The following ACOT6 variants were observed in gnomAD, a reference collection of about 807,000 sequenced individuals.
ACOT6 encodes the protein acyl-coenzyme A thioesterase 6.
A neutral mutation model predicts 12.3 loss-of-function variants in ACOT6; 14 were observed. The ratio of observed to expected loss-of-function variants is 1.14; its 90% CI spans 0.75 to 1.78. The LOEUF is 1.78. Among genes scored for constraint, ACOT6 ranks in the 40% most tolerant of loss-of-function variants. ACOT6 has a pLI of 0.00. For missense variants in ACOT6, 523 were observed against 551.8 expected, an observed-to-expected ratio of 0.95 and a Z score of 0.52; for synonymous variants, 218 against 231.3, an observed-to-expected ratio of 0.94 and a Z score of 0.52.
intron 1 of ACOT6, among the ~76,000 whole-genome samples, chr14:73,614,380 C>A (rs1890498579): frequency 6.6e-6 from 1 of 152,128 alleles, no homozygotes; most frequent in South Asian, 2.1e-4. Context: ...GGAATTGGGT[C>A]TTACAGATTT....
chr14:73,619,529 T>G lies in ACOT6; in HGVS notation c.956T>G (p.Leu319Trp). The G allele has an allele frequency of 6.2e-7, 1 of 1,614,238 alleles. No homozygotes were observed. Among genetic ancestry groups the G allele is most frequent in the Non-Finnish European group, 8.5e-7 (1 of 1,180,046 alleles). The change falls in exon 3 of 3, where the codon TTG (leucine) becomes TGG (tryptophan). Residue 319 changes from leucine to tryptophan, a missense_variant. Leu to Trp is a moderately conservative substitution (Grantham distance 61). Coordinates refer to ENST00000645972, the MANE Select transcript of ACOT6 (RefSeq NM_001365788.1). ...VPLEKAQVPF[L>W]FIVGMDDQSW... ...TTGGAAAAGGCGCAGGTGCCCTTCT[T>G]GTTTATTGTTGGCATGGATGATCAA...
Position 73,612,967 on chromosome 14 carries a change from G to A in ACOT6, c.396G>A (p.Pro132=), listed in dbSNP as rs546308415. 4.0e-5 allele frequency: 48 copies of A among 1,205,248 alleles called. No individual in the cohort carries two copies. In the Middle Eastern group the frequency reaches 8.5e-4, roughly 21 times the overall value. The allele number at this position is 1,205,248 out of a possible 1,614,324, so 74.7% of individuals were successfully genotyped here. Residue 132 remains proline (P), a synonymous_variant, in exon 1 of 3, where the codon CCG becomes CCA. Transcript: ENST00000645972. Reference sequence around the variant, plus strand: ...AGAACAAGCGCGACTTTCTCCGGCCGGGGGTGCGGCGCGAGCCGGTGCGCG... The same window carrying A: ...AGAACAAGCGCGACTTTCTCCGGCCAGGGGTGCGGCGCGAGCCGGTGCGCG... The part of the protein sequence containing the change: ...LAQNKRDFLR[P]GVRREPVRAG...
chr14:73,616,170 G>A (rs1316538109), intron 1 of ACOT6, among the ~76,000 whole-genome samples: 1 of 151,992 alleles, frequency 6.6e-6, no homozygotes, highest in Non-Finnish European at 1.5e-5. Flanking sequence ...GTCTTGTTAT[G>A]TTGCCCAGGC....
intron 1 of ACOT6, among the ~76,000 whole-genome samples, chr14:73,615,436 A>C (rs1354362246): frequency 6.9e-6 from 1 of 145,478 alleles, no homozygotes; most frequent in Admixed American, 6.9e-5. Context: ...AGCAACAACG[A>C]AAAAAAAAAC....
At position 73,619,732 on chromosome 14, in the gene ACOT6, G is replaced by A. The variant is rs755869241; in HGVS notation, c.1159G>A (p.Glu387Lys). 6.2e-7 allele frequency: 1 copy of A among 1,614,120 alleles called. No homozygotes were observed. Among genetic ancestry groups the A allele is most frequent in the East Asian group, 2.2e-5 (1 of 44,878 alleles). Reference protein sequence around the residue: ...VLGEAIFYGGEPKAHSKAQVD... With the variant: ...VLGEAIFYGGKPKAHSKAQVD... ...GGGTGAGGCAATATTCTATGGAGGT[G>A]AGCCAAAGGCTCACTCAAAGGCACA... Residue 387 changes from glutamate to lysine, a missense_variant, in exon 3 of 3, where the codon GAG becomes AAG. Around this residue, in one of 2 missense-constraint regions of ACOT6, gnomAD observed 219 missense variants for 277.0 expected, o/e 0.79. Transcript: ENST00000645972.
upstream of ACOT6, chr14:73,612,417 G>C (rs1051933764): frequency 2.2e-6 from 1 of 459,276 alleles, no homozygotes; most frequent in Admixed American, 4.4e-5. Context: ...AATTCTAGGC[G>C]CCCCACGCAG....
Position 73,617,098 on chromosome 14 carries a change from C to A in ACOT6, c.566C>A (p.Ala189Asp). The stretch of plus-strand genomic sequence containing the variant: ...CATGGTTTTGCTGTGCTTGCCCTGG[C>A]TTATTTCAGATTTGAAGACCTCCCC... ...AGHGFAVLAL[A>D]YFRFEDLPED... is the part of the protein sequence containing the mutation. The change falls in exon 2 of 3, where the codon GCT becomes GAT. Residue 189 changes from alanine to aspartate, a missense_variant. Around this residue, in one of 2 missense-constraint regions of ACOT6, gnomAD observed 219 missense variants for 277.0 expected, o/e 0.79. Transcript: ENST00000645972. The A allele has an allele frequency of 1.3e-6, 2 of 1,583,998 alleles. No individual in the cohort carries two copies. The highest frequency in any genetic ancestry group is 1.7e-6 in the Non-Finnish European group (2 of 1,153,038).
rs371458595 is a variant in ACOT6 at position 73,612,678 on chromosome 14, C to A, written c.107C>A (p.Thr36Lys). ...CCGGAGCAGCCAGTCACGCTGCGCA[C>A]GTCCCTGCGCGACGAAGAGGGCGCG... Reference protein sequence around the residue: ...LAPEQPVTLRTSLRDEEGALF... With the variant: ...LAPEQPVTLRKSLRDEEGALF... The change falls in exon 1 of 3, where the codon ACG becomes AAG. Residue 36 changes from threonine to lysine, a missense_variant. This residue lies in a region of ACOT6 where 304 missense variants were observed against 274.8 expected (regional missense o/e 1.11). Transcript: ENST00000645972. 12 of 1,404,516 alleles carry A rather than the reference C, an allele frequency of 8.5e-6. No individual in the cohort carries two copies. The Admixed American group carries it at 1.3e-4, about 15-fold the overall frequency. The allele number at this position is 1,404,516 out of a possible 1,614,324, so 87.0% of individuals were successfully genotyped here.
At chr14:73,616,864 A>G in intron 1 of ACOT6, 130 bp from the exon 2 acceptor site, 5 of 574,202 alleles carry the variant, frequency 8.7e-6, no homozygotes, top group Non-Finnish European at 1.5e-5. Flanking sequence ...TTATTGTTTG[A>G]GAAAATAAGA....
chr14:73,615,644 C>G (rs376348095), intron 1 of ACOT6, among the ~76,000 whole-genome samples: 1 of 151,602 alleles, frequency 6.6e-6, no homozygotes, highest in Non-Finnish European at 1.5e-5. Flanking sequence ...GCAGGAGAAT[C>G]GCTTGAACCC....
chr14:73,617,211 C>T lies in ACOT6; in HGVS notation c.660+19C>T. On this transcript the variant is annotated intron_variant, in intron 2 of 2. Coordinates refer to ENST00000645972, the MANE Select transcript of ACOT6 (RefSeq NM_001365788.1). ...TCCAAAGGTGCGTTCTGGTGATCAC[C>T]TGAGTGCAGAAGAGAGGGGATAGAG... is the stretch of plus-strand genomic sequence containing the variant. 3 of 1,614,158 alleles carry T rather than the reference C, an allele frequency of 1.9e-6. No individual in the cohort carries two copies. Among genetic ancestry groups the T allele is most frequent in the Non-Finnish European group, 2.5e-6 (3 of 1,180,026 alleles).
Position 73,612,536 on chromosome 14 carries a change from G to A in ACOT6, c.-36G>A. Reference sequence around the variant, plus strand: ...GCCGCCAGGCCCGCCCACTGACTCCGCGGAGCTGGGTCGCCCCTGTTCTAC... The same window carrying A: ...GCCGCCAGGCCCGCCCACTGACTCCACGGAGCTGGGTCGCCCCTGTTCTAC... On this transcript the variant is annotated 5_prime_UTR_variant, in exon 1 of 3. Coordinates refer to ENST00000645972, the MANE Select transcript of ACOT6 (RefSeq NM_001365788.1). 2 of 1,238,032 alleles carry A rather than the reference G, an allele frequency of 1.6e-6. No homozygotes were observed. Among genetic ancestry groups the A allele is most frequent in the Non-Finnish European group, 2.1e-6 (2 of 962,498 alleles). The allele number at this position is 1,238,032 out of a possible 1,614,324, so 76.7% of individuals were successfully genotyped here. A position where few individuals can be genotyped will look rare whatever the true frequency, so the allele number is the denominator to read the frequency against.
rs899400333 is a variant in ACOT6 at position 73,612,639 on chromosome 14, T to C, written c.68T>C (p.Val23Ala). 17 of 1,404,520 alleles carry C rather than the reference T, an allele frequency of 1.2e-5. No individual in the cohort carries two copies. In the African/African-American group the frequency reaches 1.5e-4, roughly 12 times the overall value. The allele number at this position is 1,404,520 out of a possible 1,614,324, so 87.0% of individuals were successfully genotyped here. A position where few individuals can be genotyped will look rare whatever the true frequency, so the allele number is the denominator to read the frequency against. Residue 23 changes from valine (V) to alanine (A), a missense_variant, in exon 1 of 3, where the codon GTG becomes GCG. Val to Ala is a moderately conservative substitution (Grantham distance 64). Transcript: ENST00000645972. ...TGGGACGAGCCGCTGCGCATCGCAG[T>C]GCGCGGCCTGGCCCCGGAGCAGCCA... ...CCWDEPLRIA[V>A]RGLAPEQPVT...
chr14:73,613,163 G>C lies in ACOT6; in HGVS notation c.461+131G>C, dbSNP rs546409149. The C allele has an allele frequency of 1.7e-5, 8 of 461,674 alleles. No homozygotes were observed. The South Asian group carries it at 3.7e-4, about 22-fold the overall frequency. 28.6% of individuals were successfully genotyped at this position (461,674 alleles called of 1,614,324 possible). ...AGAGTCTGTCATGGATTCTGAGTCT[G>C]GGCGTCCGCTGTTGCCCAGGCTGGA... On this transcript the variant is annotated intron_variant, in intron 1 of 2. Transcript: ENST00000645972.
chr14:73,617,298 G>A, intron 2 of ACOT6, 106 bp downstream of exon 2: 1 of 1,467,340 alleles, frequency 6.8e-7, no homozygotes, highest in Admixed American at 1.7e-5. Context: ...CATGCCAGGA[G>A]ATACCAAGTC....
At chr14:73,615,081 T>G (rs1324820620) in intron 1 of ACOT6, among the ~76,000 whole-genome samples, 1 of 108,306 alleles carries the variant, frequency 9.2e-6, no homozygotes, top group African/African-American at 3.8e-5. Flanking sequence ...AGAGCAAGAC[T>G]CCATCTCAAA....
intron 1 of ACOT6, among the ~76,000 whole-genome samples, chr14:73,615,388 T>TAAAAAAAAAAA (rs1160138803): frequency 1.6e-4 from 10 of 63,314 alleles, no homozygotes; most frequent in African/African-American, 1.0e-3. Flanking sequence ...CTCTGTCTGA[T>TAAAAAAAAAAA]AAAAAAAAAA....
At chr14:73,612,253 T>G (rs561230753), upstream of ACOT6, among the ~76,000 whole-genome samples, 92 of 152,324 alleles carry the variant, frequency 6.0e-4, no homozygotes, top group African/African-American at 2.0e-3. Context: ...TTGGTCAGGC[T>G]GGTCTTGAAC....
At chr14:73,615,406 A>C (rs1449335991) in intron 1 of ACOT6, among the ~76,000 whole-genome samples, 2 of 70,298 alleles carry the variant, frequency 2.8e-5, no homozygotes, top group African/African-American at 9.7e-5. Context: ...AAAAAAAAAA[A>C]ACAAAAAACA....
Sources: gnomAD v4.1 joint callset for allele counts (sites outside exome capture counted in the v4.1 genomes callset) on GRCh38, gnomAD v4.1.1 for gene constraint, gnomAD v4.1.1 regional missense constraint, MANE v1.5 for transcripts, NCBI Gene and HGNC (gene_info 2026-07-23, HGNC 2026-07-21) for gene names.